The following GRID2 variants were observed in gnomAD, a reference collection of about 807,000 sequenced individuals.
The protein encoded by GRID2 is glutamate receptor ionotropic, delta-2.
Under a neutral mutation model 114.8 loss-of-function variants are expected in GRID2, and 33 were observed. The ratio of observed to expected loss-of-function variants is 0.29; its 90% confidence interval spans 0.22 to 0.38. The LOEUF is 0.38. GRID2 is among the 10% of genes least tolerant of loss of function. The probability of loss-of-function intolerance (pLI) is 1.00; values close to 1 mark genes in which losing one functional copy is unlikely to be tolerated. For missense variants in GRID2, 1,184 were observed against 1,257.7 expected, an observed-to-expected ratio of 0.94 and a Z score of 0.89; for synonymous variants, 505 against 449.9, an observed-to-expected ratio of 1.12 and a Z score of -1.55.
At chr4:93,408,279 G>T (rs1457104110) in intron 9 of GRID2, among the ~76,000 whole-genome samples, 3 of 152,112 alleles carry the variant, frequency 2.0e-5, no homozygotes, top group Non-Finnish European at 4.4e-5. Context: ...CAGGAATTAA[G>T]ATGCATTTCG....
rs1172761959 is a variant in GRID2, at chr4:93,317,717, T to A, written c.1246-77890T>A. Among the ~76,000 whole-genome samples, 3 of 151,818 alleles carry A rather than the reference T, an allele frequency of 2.0e-5. No individual in the cohort carries two copies. The Admixed American group carries it at 2.0e-4, about 10-fold the overall frequency. Reference sequence around the variant, plus strand: ...CATTCCAATTTATTTTCTTTGCGAGTGAGCAGAATTATATTTCCTGTGAGT... The same window carrying A: ...CATTCCAATTTATTTTCTTTGCGAGAGAGCAGAATTATATTTCCTGTGAGT... On this transcript the variant is annotated intron_variant, in intron 8 of 15. Transcript: ENST00000282020.
intron 1 of GRID2, among the ~76,000 whole-genome samples, chr4:92,480,815 C>A (rs1309248770): frequency 6.6e-6 from 1 of 152,092 alleles, no homozygotes; most frequent in Non-Finnish European, 1.5e-5. Flanking sequence ...CTACTTCAGT[C>A]CTCTTTTCCT....
intron 2 of GRID2, among the ~76,000 whole-genome samples, chr4:92,875,407 A>T (rs536367682): frequency 6.6e-6 from 1 of 152,108 alleles, no homozygotes; most frequent in South Asian, 2.1e-4. Flanking sequence ...TTCGTAATCC[A>T]CCTGCCTCAG....
intron 14 of GRID2, among the ~76,000 whole-genome samples, chr4:93,680,730 C>G (rs1012441222): frequency 2.4e-4 from 36 of 151,164 alleles, no homozygotes; most frequent in Middle Eastern, 3.4e-3. Context: ...ATTCAACAAC[C>G]CTTCATGCTA....
At chr4:92,565,538 C>G (rs776687373) in intron 1 of GRID2, among the ~76,000 whole-genome samples, 1 of 152,000 alleles carries the variant, frequency 6.6e-6, no homozygotes, top group African/African-American at 2.4e-5. Flanking sequence ...AGCTATTATA[C>G]TGCTATCTAT....
At chr4:92,403,919 G>T (rs1730911719) in intron 1 of GRID2, among the ~76,000 whole-genome samples, 1 of 151,982 alleles carries the variant, frequency 6.6e-6, no homozygotes, top group African/African-American at 2.4e-5. Flanking sequence ...TATCTATTAA[G>T]TTTACTGTCT....
At chr4:93,365,469 G>C (rs900984727) in intron 8 of GRID2, among the ~76,000 whole-genome samples, 3 of 152,114 alleles carry the variant, frequency 2.0e-5, no homozygotes, top group Non-Finnish European at 4.4e-5. Context: ...GTCTAATTAT[G>C]ACAGAGCATT....
At chr4:93,131,548 ATAT>A (rs1182580601) in intron 4 of GRID2, among the ~76,000 whole-genome samples, 1 of 151,706 alleles carries the variant, frequency 6.6e-6, no homozygotes, top group Non-Finnish European at 1.5e-5. Flanking sequence ...TTTATTTGTA[ATAT>A]TGTTGTTTTC....
chr4:92,657,130 T>C (rs1364850772), intron 2 of GRID2, among the ~76,000 whole-genome samples: 2 of 151,606 alleles, frequency 1.3e-5, no homozygotes, highest in Non-Finnish European at 3.0e-5. Flanking sequence ...GATATATATT[T>C]TGGGGAAGAA....
Position 93,772,363 on chromosome 4 carries a change from C to T in GRID2, c.2889C>T (p.Gly963=). 1 of 1,614,068 alleles carries T rather than the reference C, an allele frequency of 6.2e-7. No individual in the cohort carries two copies. Among genetic ancestry groups the T allele is most frequent in the Non-Finnish European group, 8.5e-7 (1 of 1,179,976 alleles). ...TFGNVPEHRT[G]PFRHRAPNGG... The stretch of plus-strand genomic sequence containing the variant: ...GCAACGTGCCTGAGCACCGAACTGG[C>T]CCTTTTAGGCACAGGGCACCTAATG... Residue 963 remains glycine, a synonymous_variant, in exon 16 of 16, where the codon GGC becomes GGT. Coordinates refer to ENST00000282020, the MANE Select transcript of GRID2 (RefSeq NM_001510.4).
At position 92,353,404 on chromosome 4, in the gene GRID2, G is replaced by T. The variant is rs568862166; in HGVS notation, c.88+48660G>T. ...CTTTCCTGTTTTTATACACTATGAGGTTATTTTTGTTGAAAAATTGACTTT... is the reference window on the plus strand; with the variant it reads ...CTTTCCTGTTTTTATACACTATGAGTTTATTTTTGTTGAAAAATTGACTTT... On this transcript the variant is annotated intron_variant, in intron 1 of 15. Coordinates refer to ENST00000282020, the MANE Select transcript of GRID2 (RefSeq NM_001510.4). 3.3e-5 allele frequency among the ~76,000 whole-genome samples: 5 copies of T among 151,856 alleles called. No homozygotes were observed. In the South Asian group the frequency reaches 8.3e-4, roughly 25 times the overall value.
intron 11 of GRID2, among the ~76,000 whole-genome samples, chr4:93,489,609 A>G (rs1726775648): frequency 6.6e-6 from 1 of 151,952 alleles, no homozygotes; most frequent in Admixed American, 6.6e-5. Flanking sequence ...TCAGTAGTAG[A>G]GTCAAAGATG....
chr4:93,268,473 A>G (rs1340072483), intron 8 of GRID2, among the ~76,000 whole-genome samples: 1 of 152,124 alleles, frequency 6.6e-6, no homozygotes, highest in Non-Finnish European at 1.5e-5. Context: ...GTGGACACAA[A>G]CATTCAGTCC....
intron 1 of GRID2, among the ~76,000 whole-genome samples, chr4:93,791,005 G>C (rs115448822): frequency 1.1e-3 from 166 of 152,254 alleles, no homozygotes; most frequent in Admixed American, 2.7e-3. Context: ...TTATTATTCT[G>C]TACAAATTTC....
chr4:92,652,869 T>TATAA (rs1732018137), intron 2 of GRID2, among the ~76,000 whole-genome samples: 1 of 98,832 alleles, frequency 1.0e-5, no homozygotes, highest in Non-Finnish European at 2.1e-5. Context: ...TAAATACATA[T>TATAA]AAATATATAA....
intron 13 of GRID2, among the ~76,000 whole-genome samples, chr4:93,578,498 G>T (rs1736630847): frequency 1.3e-5 from 2 of 149,952 alleles, no homozygotes; most frequent in African/African-American, 4.9e-5. Context: ...CTTAGGATGA[G>T]AAAAGCAATC....
At chr4:92,613,749 A>G (rs1360307578) in intron 2 of GRID2, among the ~76,000 whole-genome samples, 1 of 151,298 alleles carries the variant, frequency 6.6e-6, no homozygotes, top group Non-Finnish European at 1.5e-5. Context: ...GATTTTGGCA[A>G]TCTGTACCTT....
intron 2 of GRID2, among the ~76,000 whole-genome samples, chr4:92,652,703 G>T (rs1216293689): frequency 9.4e-5 from 13 of 138,870 alleles, no homozygotes; most frequent in African/African-American, 2.9e-4. Flanking sequence ...GGGCGCGGTG[G>T]CTCACTCCTG....
chr4:92,543,233 A>G (rs1726068641), intron 1 of GRID2, among the ~76,000 whole-genome samples: 1 of 152,136 alleles, frequency 6.6e-6, no homozygotes, highest in African/African-American at 2.4e-5. Flanking sequence ...AACCCAGCAC[A>G]AAACAGCATT....
Sources: gnomAD v4.1 joint callset for allele counts (sites outside exome capture counted in the v4.1 genomes callset) on GRCh38, gnomAD v4.1.1 for gene constraint, MANE v1.5 for transcripts, NCBI Gene and HGNC (gene_info 2026-07-23, HGNC 2026-07-21) for gene names.